Variants in EFCAB5 observed in about 807,000 individuals in gnomAD.
The protein encoded by EFCAB5 is EF-hand calcium-binding domain-containing protein 5.
A neutral mutation model predicts 167.9 loss-of-function variants in EFCAB5; 131 were observed. That is an observed-to-expected ratio of 0.78 (90% CI 0.68 to 0.90). EFCAB5 has a LOEUF of 0.90. Among genes scored for constraint, EFCAB5 ranks in the 40% least tolerant of loss-of-function variants. The pLI is 0.00. For synonymous variants in EFCAB5, 574 were observed against 602.8 expected, an observed-to-expected ratio of 0.95 and a Z score of 0.70; for missense variants, 1,663 against 1,745.2, an observed-to-expected ratio of 0.95 and a Z score of 0.84.
rs540817091 is a variant in EFCAB5, at chr17:29,941,662, G to A, written c.-135G>A. On this transcript the variant is annotated 5_prime_UTR_variant, in exon 1 of 23. Transcript: ENST00000394835. ...ATTCAATAGAATTGTGGGGTGAGGTGAGGGCAGGAGTGAGGGAGCTTTTTT... is the reference window on the plus strand; with the variant it reads ...ATTCAATAGAATTGTGGGGTGAGGTAAGGGCAGGAGTGAGGGAGCTTTTTT... 6.1e-6 allele frequency: 4 copies of A among 652,340 alleles called. No individual in the cohort carries two copies. The highest frequency in any genetic ancestry group is 1.0e-5 in the Non-Finnish European group (4 of 386,044). 40.4% of individuals were successfully genotyped at this position (652,340 alleles called of 1,614,324 possible).
chr17:30,086,018 C>T (rs2071082700), intron 18 of EFCAB5, among the ~76,000 whole-genome samples: 1 of 151,962 alleles, frequency 6.6e-6, no homozygotes. Flanking sequence ...TTTTTAGAGA[C>T]AAGGTCTCAC....
chr17:29,984,357 C>A (rs1446587736), intron 4 of EFCAB5, among the ~76,000 whole-genome samples: 3 of 151,586 alleles, frequency 2.0e-5, no homozygotes, highest in Non-Finnish European at 4.4e-5. Flanking sequence ...TGGTAGCTGA[C>A]CGGTAGAGCT....
At chr17:30,007,380 G>A (rs1006515484) in intron 7 of EFCAB5, among the ~76,000 whole-genome samples, 7 of 152,136 alleles carry the variant, frequency 4.6e-5, no homozygotes, top group Non-Finnish European at 8.8e-5. Flanking sequence ...GATAAATCGA[G>A]TATGACTTCT....
intron 22 of EFCAB5, among the ~76,000 whole-genome samples, chr17:30,098,662 T>A (rs1380947001): frequency 1.3e-5 from 2 of 152,158 alleles, no homozygotes; most frequent in Non-Finnish European, 2.9e-5. Context: ...ATAATTCACA[T>A]GCCATAAATT....
chr17:30,079,201 C>T (rs1480536291), intron 15 of EFCAB5, among the ~76,000 whole-genome samples: 1 of 152,096 alleles, frequency 6.6e-6, no homozygotes, highest in Non-Finnish European at 1.5e-5. Context: ...CCGAATTTTC[C>T]AGTGTAGTTG....
rs746475404 is a variant in EFCAB5, at chr17:30,053,990, T to C, written c.2036T>C (p.Leu679Ser). The C allele has an allele frequency of 1.2e-6, 2 of 1,612,970 alleles. No homozygotes were observed. Among genetic ancestry groups the C allele is most frequent in the Non-Finnish European group, 8.5e-7 (1 of 1,179,302 alleles). The change falls in exon 10 of 23, where the codon TTA becomes TCA. Residue 679 changes from leucine to serine, a missense_variant. Transcript: ENST00000394835. ...STSQSRKDSILKSTKYGEPIT... is the reference protein window; with the variant it reads ...STSQSRKDSISKSTKYGEPIT... ...TCACAATCAAGAAAAGATAGTATCTTAAAAAGTACAAAATATGGGGAACCT... is the reference window on the plus strand; with the variant it reads ...TCACAATCAAGAAAAGATAGTATCTCAAAAAGTACAAAATATGGGGAACCT...
At chr17:30,021,517 T>C (rs2069179833) in intron 7 of EFCAB5, among the ~76,000 whole-genome samples, 1 of 149,538 alleles carries the variant, frequency 6.7e-6, no homozygotes, top group Non-Finnish European at 1.5e-5. Flanking sequence ...TATACATTAT[T>C]TATTTTATAT....
chr17:30,081,060 C>T (rs920882159), intron 17 of EFCAB5, 79 bp downstream of exon 17: 38 of 1,098,948 alleles, frequency 3.5e-5, no homozygotes, highest in Non-Finnish European at 4.9e-5. Flanking sequence ...AACCTGAAAT[C>T]CGATGAGAGT....
chr17:29,974,663 A>G (rs1006771895), intron 4 of EFCAB5, among the ~76,000 whole-genome samples: 1 of 152,198 alleles, frequency 6.6e-6, no homozygotes, highest in Non-Finnish European at 1.5e-5. Flanking sequence ...TTTAACCATG[A>G]CTCAAGATCA....
intron 14 of EFCAB5, among the ~76,000 whole-genome samples, chr17:30,066,400 T>C: frequency 6.6e-6 from 1 of 152,142 alleles, no homozygotes; most frequent in East Asian, 1.9e-4. Flanking sequence ...TACTTTTTAC[T>C]TTTTAATTTA....
At chr17:29,974,695 T>C (rs1473647813) in intron 4 of EFCAB5, among the ~76,000 whole-genome samples, 3 of 152,208 alleles carry the variant, frequency 2.0e-5, no homozygotes, top group African/African-American at 7.2e-5. Flanking sequence ...GAAAATTTCA[T>C]TACATAAAAA....
intron 1 of EFCAB5, among the ~76,000 whole-genome samples, chr17:29,934,067 G>A (rs2067224914): frequency 6.6e-6 from 1 of 152,138 alleles, no homozygotes; most frequent in South Asian, 2.1e-4. Context: ...AAACAAAGAT[G>A]TCTAAAAATT....
intron 3 of EFCAB5, among the ~76,000 whole-genome samples, chr17:29,965,690 T>C (rs893934375): frequency 2.0e-5 from 3 of 152,200 alleles, no homozygotes; most frequent in African/African-American, 7.2e-5. Context: ...CAAAAATCAA[T>C]TGGTTTCAGA....
chr17:29,941,748 G>C lies in EFCAB5; in HGVS notation c.-49G>C. The C allele has an allele frequency of 6.7e-7, 1 of 1,483,206 alleles. No individual in the cohort carries two copies. Among genetic ancestry groups the C allele is most frequent in the Non-Finnish European group, 9.2e-7 (1 of 1,082,238 alleles). 91.9% of individuals were successfully genotyped at this position (1,483,206 alleles called of 1,614,324 possible). On this transcript the variant is annotated 5_prime_UTR_variant, in exon 1 of 23. Coordinates refer to ENST00000394835, the MANE Select transcript of EFCAB5 (RefSeq NM_198529.4). ...TTCTTTCTTTTTGTTATTAATACTG[G>C]TCTAGTAATATTCTTCTATACCATT...
At chr17:29,936,464 A>T (rs1354631073) in intron 1 of EFCAB5, among the ~76,000 whole-genome samples, 4 of 152,204 alleles carry the variant, frequency 2.6e-5, no homozygotes, top group Non-Finnish European at 2.9e-5. Context: ...ATAATAATAA[A>T]AAAAGAAGCA....
At chr17:30,070,266 T>C (rs886246148) in intron 14 of EFCAB5, among the ~76,000 whole-genome samples, 1 of 151,914 alleles carries the variant, frequency 6.6e-6, no homozygotes, top group Non-Finnish European at 1.5e-5. Flanking sequence ...AAAATGACCA[T>C]ACTACCAAAA....
At chr17:30,057,912 T>C in intron 13 of EFCAB5, 22 bp downstream of exon 13, 1 of 1,593,284 alleles carries the variant, frequency 6.3e-7, no homozygotes, top group Non-Finnish European at 8.6e-7. Context: ...TATTTATTAA[T>C]GATACAAGTG....
intron 7 of EFCAB5, among the ~76,000 whole-genome samples, chr17:30,021,817 A>G (rs1296024548): frequency 6.6e-6 from 1 of 152,140 alleles, no homozygotes; most frequent in Admixed American, 6.6e-5. Flanking sequence ...CTATCTTATC[A>G]GTACTCATTT....
At chr17:29,987,683 G>C (rs1299269918) in intron 4 of EFCAB5, among the ~76,000 whole-genome samples, 3 of 152,108 alleles carry the variant, frequency 2.0e-5, no homozygotes, top group Non-Finnish European at 2.9e-5. Context: ...TTCCACTATG[G>C]CTTGTCCTTG....
Sources: gnomAD v4.1 joint callset for allele counts (sites outside exome capture counted in the v4.1 genomes callset) on GRCh38, gnomAD v4.1.1 for gene constraint, MANE v1.5 for transcripts, NCBI Gene and HGNC (gene_info 2026-07-23, HGNC 2026-07-21) for gene names.